The following APP variants were observed in gnomAD, a reference collection of about 807,000 sequenced individuals.
APP encodes the protein amyloid beta precursor protein.
Under a neutral mutation model 101.4 loss-of-function variants are expected in APP, and 31 were observed. That is an observed-to-expected ratio of 0.31 (90% CI 0.23 to 0.41). APP has a LOEUF of 0.41. Ranked by LOEUF, APP falls within the 10% of genes least tolerant of loss-of-function variation. The probability of loss-of-function intolerance (pLI) is 1.00; values close to 1 mark genes in which losing one functional copy is unlikely to be tolerated. For synonymous variants in APP, 366 were observed against 364.4 expected (o/e 1.00, Z -0.05); for missense variants, 839 against 1,003.7 (o/e 0.84, Z 2.22).
chr21:26,086,027 G>A (rs542091591), intron 3 of APP, among the ~76,000 whole-genome samples: 1 of 152,054 alleles, frequency 6.6e-6, no homozygotes, highest in Non-Finnish European at 1.5e-5. Context: ...TTTATTTTAC[G>A]CAATGTTCCT....
intron 3 of APP, among the ~76,000 whole-genome samples, chr21:26,069,112 T>C (rs1735782937): frequency 6.6e-6 from 1 of 152,192 alleles, no homozygotes; most frequent in African/African-American, 2.4e-5. Context: ...ACACATTCTA[T>C]TTGGTTGTAG....
chr21:26,154,048 G>C, intron 1 of APP, among the ~76,000 whole-genome samples: 1 of 152,158 alleles, frequency 6.6e-6, no homozygotes, highest in African/African-American at 2.4e-5. Flanking sequence ...CAGGCAGTAA[G>C]CTTTCCACAT....
intron 8 of APP, 34 bp from the exon 9 acceptor site, chr21:25,982,511 A>C: frequency 6.2e-7 from 1 of 1,608,926 alleles, no homozygotes; most frequent in Non-Finnish European, 8.5e-7. Flanking sequence ...TTTGAGAAAA[A>C]AAAGCCAACA....
intron 5 of APP, among the ~76,000 whole-genome samples, chr21:26,033,763 G>A (rs8127138): frequency 0.013 from 1,957 of 152,276 alleles, 38 homozygotes; most frequent in African/African-American, 0.042. Flanking sequence ...ATGTGAAGGC[G>A]GTGCTCGTGA....
intron 8 of APP, among the ~76,000 whole-genome samples, chr21:25,989,912 A>ATCATAGTTGGTGGAG (rs2042791281): frequency 7.4e-6 from 1 of 136,022 alleles, no homozygotes; most frequent in African/African-American, 3.3e-5. Context: ...ACTTAAAAAA[A>ATCATAGTTGGTGGAG]AAGTGTCTCT....
intron 1 of APP, among the ~76,000 whole-genome samples, chr21:26,166,417 T>A (rs377320476): frequency 7.2e-4 from 109 of 152,236 alleles, no homozygotes; most frequent in South Asian, 5.6e-3. Context: ...CCCCACTCCA[T>A]ACATTTGCAT....
At chr21:26,001,196 A>T (rs2043279419) in intron 6 of APP, among the ~76,000 whole-genome samples, 1 of 152,172 alleles carries the variant, frequency 6.6e-6, no homozygotes, top group African/African-American at 2.4e-5. Flanking sequence ...ACCTGTCAAC[A>T]TGTCTTGCCA....
At position 25,948,004 on chromosome 21, in the gene APP, C is replaced by CAAAAAAAAAAAAAAAAAAAA. The variant is rs34371241; in HGVS notation, c.1687+6566_1687+6585dup. Among the ~76,000 whole-genome samples, 2 of 71,094 alleles carry CAAAAAAAAAAAAAAAAAAAA rather than the reference C, an allele frequency of 2.8e-5. 1 individual carries two copies. The highest frequency in any genetic ancestry group is 5.8e-5 in the Non-Finnish European group (2 of 34,364). The allele number at this position is 71,094 out of a possible 152,430, so 46.6% of individuals were successfully genotyped here. A position where few individuals can be genotyped will look rare whatever the true frequency, so the allele number is the denominator to read the frequency against. On this transcript the variant is annotated intron_variant, in intron 13 of 17. Coordinates refer to ENST00000346798, the MANE Select transcript of APP (RefSeq NM_000484.4). ...TGGGTGACTGAGCAAGACTCCATCTCAAAAAAAAAAAAAAAAAAAAAGTTC... is the reference window on the plus strand; with the variant it reads ...TGGGTGACTGAGCAAGACTCCATCTCAAAAAAAAAAAAAAAAAAAAAAAAAAAAAAAAAAAAAAAAAGTTC...
intron 13 of APP, among the ~76,000 whole-genome samples, chr21:25,921,670 A>C (rs1259526861): frequency 1.4e-5 from 1 of 73,358 alleles, no homozygotes; most frequent in Non-Finnish European, 2.6e-5. Flanking sequence ...CCCAAGACTA[A>C]ACCAGGAAGA....
intron 14 of APP, among the ~76,000 whole-genome samples, chr21:25,908,517 C>CGTTA (rs2038903848): frequency 1.3e-5 from 2 of 152,126 alleles, no homozygotes; most frequent in African/African-American, 4.8e-5. Context: ...CAAAGAAAGA[C>CGTTA]TAACAAGTTT....
intron 16 of APP, among the ~76,000 whole-genome samples, chr21:25,893,092 T>C (rs973254584): frequency 3.9e-5 from 6 of 152,198 alleles, no homozygotes; most frequent in African/African-American, 1.4e-4. Flanking sequence ...TAAAAATTAT[T>C]ATATCTGTTT....
At chr21:26,015,160 C>T (rs868525056) in intron 6 of APP, among the ~76,000 whole-genome samples, 1 of 152,076 alleles carries the variant, frequency 6.6e-6, no homozygotes, top group Non-Finnish European at 1.5e-5. Flanking sequence ...ACATTTATGC[C>T]TTTTATAATT....
At chr21:26,044,589 G>C (rs1467686395) in intron 5 of APP, among the ~76,000 whole-genome samples, 1 of 152,074 alleles carries the variant, frequency 6.6e-6, no homozygotes, top group Non-Finnish European at 1.5e-5. Context: ...GCCCAGGCTG[G>C]AGTGTGATGG....
Position 26,089,982 on chromosome 21 carries a change from T to C in APP, c.316A>G (p.Lys106Glu). 6.2e-7 allele frequency: 1 copy of C among 1,614,208 alleles called. No homozygotes were observed. Among genetic ancestry groups the C allele is most frequent in the African/African-American group, 1.3e-5 (1 of 75,066 alleles). The change falls in exon 3 of 18, where the codon AAG (lysine) becomes GAG (glutamate). Residue 106 changes from lysine to glutamate, a missense_variant. Physicochemically the swap from Lys to Glu is moderately conservative, Grantham distance 56 (BLOSUM62 1). Transcript: ENST00000346798. ...GGAATCACAAAGTGGGGATGGGTCT[T>C]GCACTGCTTGCGGCCCCGCTTGCAC... ...NWCKRGRKQC[K>E]THPHFVIPYR... is the part of the protein sequence containing the mutation.
At chr21:25,966,582 T>C (rs1701000) in intron 11 of APP, among the ~76,000 whole-genome samples, 59,886 of 152,060 alleles carry the variant, frequency 0.39, 12,107 homozygotes, top group East Asian at 0.47. Context: ...TACCAAGAAC[T>C]CAGCAAATAA....
intron 3 of APP, among the ~76,000 whole-genome samples, chr21:26,062,258 C>G (rs949006370): frequency 2.1e-5 from 3 of 145,580 alleles, no homozygotes; most frequent in Non-Finnish European, 3.0e-5. Flanking sequence ...CACACACACA[C>G]AGAATAGTGT....
At chr21:25,947,267 G>A (rs2040863550) in intron 13 of APP, among the ~76,000 whole-genome samples, 1 of 152,244 alleles carries the variant, frequency 6.6e-6, no homozygotes, top group East Asian at 1.9e-4. Flanking sequence ...AACCAAAAAA[G>A]GCATAGAGAG....
chr21:25,908,485 T>C (rs963387702), intron 14 of APP, among the ~76,000 whole-genome samples: 50 of 152,296 alleles, frequency 3.3e-4, no homozygotes, highest in African/African-American at 1.1e-3. Flanking sequence ...GGTGTATGTG[T>C]GTGTGTGTGC....
intron 15 of APP, among the ~76,000 whole-genome samples, chr21:25,898,843 T>G (rs2038252800): frequency 6.6e-6 from 1 of 152,174 alleles, no homozygotes; most frequent in Non-Finnish European, 1.5e-5. Flanking sequence ...GGAATTCACT[T>G]CCTGCTCTTG....
Sources: gnomAD v4.1 joint callset for allele counts (sites outside exome capture counted in the v4.1 genomes callset) on GRCh38, gnomAD v4.1.1 for gene constraint, MANE v1.5 for transcripts, NCBI Gene and HGNC (gene_info 2026-07-23, HGNC 2026-07-21) for gene names.